PPP4R2: variants seen among roughly 807,000 people sequenced by gnomAD.
The protein encoded by PPP4R2 is protein phosphatase 4 regulatory subunit 2, also known as serine/threonine-protein phosphatase 4 regulatory subunit 2.
In PPP4R2, 13 loss-of-function variants were observed where a neutral mutation model predicts 47.2. The observed-to-expected ratio is 0.28, with a 90% CI of 0.18 to 0.44. The LOEUF is 0.44. Ranked by LOEUF, PPP4R2 falls within the 20% of genes least tolerant of loss-of-function variation. The pLI is 1.00. For synonymous variants in PPP4R2, 151 were observed against 163.3 expected (o/e 0.92, Z 0.57); for missense variants, 421 against 491.2 (o/e 0.86, Z 1.35).
chr3:73,029,936 C>T (rs150590072), intron 2 of PPP4R2, among the ~76,000 whole-genome samples: 143 of 152,190 alleles, frequency 9.4e-4, no homozygotes, highest in Non-Finnish European at 1.6e-3. Flanking sequence ...AATTGGAGTT[C>T]GTTGGTGATC....
chr3:73,043,939 C>G (rs141175375), intron 2 of PPP4R2, among the ~76,000 whole-genome samples: 7 of 152,314 alleles, frequency 4.6e-5, no homozygotes, highest in Non-Finnish European at 7.3e-5. Context: ...CAGTTCCAGA[C>G]GACTCTAAAT....
chr3:73,001,435 G>A (rs1701454497), intron 2 of PPP4R2, among the ~76,000 whole-genome samples: 1 of 151,030 alleles, frequency 6.6e-6, no homozygotes, highest in Admixed American at 6.6e-5. Flanking sequence ...GTGGTGGCAT[G>A]CGCCTGTAGT....
chr3:73,063,829 T>G lies in PPP4R2; in HGVS notation c.494+82T>G, dbSNP rs536038021. On this transcript the variant is annotated intron_variant, in intron 6 of 8. Coordinates refer to ENST00000356692, the MANE Select transcript of PPP4R2 (RefSeq NM_174907.4). ...CAGGCTTAGTGTACTTTTTAAAAAT[T>G]GGGCATTTTATGGACACCATAGGAT... is the stretch of plus-strand genomic sequence containing the variant. 8.4e-6 allele frequency: 10 copies of G among 1,187,586 alleles called. No individual in the cohort carries two copies. The African/African-American group carries it at 1.2e-4, about 15-fold the overall frequency. The allele number at this position is 1,187,586 out of a possible 1,614,324, so 73.6% of individuals were successfully genotyped here.
intron 2 of PPP4R2, among the ~76,000 whole-genome samples, chr3:73,046,595 T>C (rs1304058226): frequency 6.6e-6 from 1 of 152,168 alleles, no homozygotes; most frequent in Non-Finnish European, 1.5e-5. Flanking sequence ...TTATGTATTT[T>C]TATTGTGCAA....
At chr3:73,019,422 G>A (rs1202715969) in intron 2 of PPP4R2, among the ~76,000 whole-genome samples, 1 of 152,138 alleles carries the variant, frequency 6.6e-6, no homozygotes, top group East Asian at 1.9e-4. Context: ...TGCCCAGGCT[G>A]GAGTGCAGTG....
At chr3:73,050,447 TGTTTTTTATATATATATA>T (rs966723602) in intron 3 of PPP4R2, among the ~76,000 whole-genome samples, 1 of 152,108 alleles carries the variant, frequency 6.6e-6, no homozygotes, top group African/African-American at 2.4e-5. Flanking sequence ...TCAATTTTTG[TGTTTTTTATATATATATA>T]GTTTTTTAAA....
At chr3:73,057,260 A>G (rs550905246) in intron 3 of PPP4R2, among the ~76,000 whole-genome samples, 2 of 152,268 alleles carry the variant, frequency 1.3e-5, no homozygotes, top group Admixed American at 6.5e-5. Flanking sequence ...TGTATTAGCT[A>G]TAGATTTCTA....
intron 2 of PPP4R2, among the ~76,000 whole-genome samples, chr3:73,003,925 C>G (rs902435234): frequency 3.9e-5 from 6 of 152,304 alleles, no homozygotes; most frequent in African/African-American, 1.4e-4. Flanking sequence ...GTCTCGAACT[C>G]CTGACCTCAG....
chr3:73,041,792 C>G (rs1200879741), intron 2 of PPP4R2, among the ~76,000 whole-genome samples: 1 of 152,202 alleles, frequency 6.6e-6, no homozygotes. Flanking sequence ...CCGCTGGCCA[C>G]TAAATTGTTG....
In PPP4R2 at chr3:72,998,154, A is replaced by G; in HGVS notation, c.112A>G (p.Thr38Ala). 6.3e-7 allele frequency: 1 copy of G among 1,599,280 alleles called. No homozygotes were observed. The change falls in exon 2 of 9, where the codon ACA becomes GCA. Residue 38 changes from threonine (T) to alanine (A), a missense_variant. Transcript: ENST00000356692. ...TTGTCATGTAGCCAAGACTGGAGAA[A>G]CAATGTGAGTTGAAAACATGCATTT... ...FLCHVAKTGE[T>A]MIQWSQFKGY... is the part of the protein sequence containing the mutation.
chr3:73,065,512 A>C lies in PPP4R2; in HGVS notation c.1044A>C (p.Glu348Asp), dbSNP rs375514870. 1 of 1,611,784 alleles carries C rather than the reference A, an allele frequency of 6.2e-7. No homozygotes were observed. The highest frequency in any genetic ancestry group is 8.5e-7 in the Non-Finnish European group (1 of 1,179,688). The change falls in exon 9 of 9, where the codon GAA (glutamate) becomes GAC (aspartate). Residue 348 changes from glutamate (E) to aspartate (D), a missense_variant. Around this residue, in one of 2 missense-constraint regions of PPP4R2, gnomAD observed 317 missense variants for 287.5 expected, o/e 1.10. Transcript: ENST00000356692. ...CTGAGGAAAATAATCAAATGGAGGA[A>C]TCTGATGTGTCTCAAGCTGAGAAAG... Reference protein sequence around the residue: ...ETSEENNQMEESDVSQAEKDL... With the variant: ...ETSEENNQMEDSDVSQAEKDL...
At chr3:73,004,897 TTTGAGTCGGAGTCATGTGTGTG>T (rs1701566584) in intron 2 of PPP4R2, among the ~76,000 whole-genome samples, 1 of 144,282 alleles carries the variant, frequency 6.9e-6, no homozygotes, top group Admixed American at 6.9e-5. Context: ...GTGTGTGTGT[TTTGAGTCGGAGTCATGTGTGTG>T]TGTTTGTGTG....
chr3:73,018,628 CCTTTCCAGTCTTCT>C (rs1324852986), intron 2 of PPP4R2, among the ~76,000 whole-genome samples: 2 of 151,908 alleles, frequency 1.3e-5, no homozygotes, highest in African/African-American at 4.8e-5. Context: ...GTTCTTCTTA[CCTTTCCAGTCTTCT>C]CTTTCCACCA....
chr3:73,053,607 A>G (rs1296736061), intron 3 of PPP4R2, among the ~76,000 whole-genome samples: 1 of 152,066 alleles, frequency 6.6e-6, no homozygotes, highest in African/African-American at 2.4e-5. Context: ...GTTCCTTATC[A>G]TTATTAAAAG....
At chr3:73,024,679 T>TTTCCC (rs1373386456) in intron 2 of PPP4R2, among the ~76,000 whole-genome samples, 1 of 152,156 alleles carries the variant, frequency 6.6e-6, no homozygotes, top group East Asian at 1.9e-4. Context: ...TTTCCTTTCC[T>TTTCCC]TTCCCTTTGT....
intron 3 of PPP4R2, among the ~76,000 whole-genome samples, chr3:73,048,557 A>G (rs1272514310): frequency 6.6e-6 from 1 of 152,160 alleles, no homozygotes; most frequent in East Asian, 1.9e-4. Flanking sequence ...CCCAGCCAGG[A>G]CTTTGTATTT....
chr3:73,018,440 T>TATGTG (rs1701888693), intron 2 of PPP4R2, among the ~76,000 whole-genome samples: 1 of 103,638 alleles, frequency 9.6e-6, no homozygotes, highest in Admixed American at 8.8e-5. Context: ...TATGTTATGT[T>TATGTG]ATGTTATGTT....
intron 2 of PPP4R2, 136 bp downstream of exon 2, chr3:72,998,294 T>A: frequency 1.8e-6 from 1 of 570,350 alleles, no homozygotes; most frequent in Non-Finnish European, 3.0e-6. Flanking sequence ...TTAAATAATT[T>A]ATATATTTAC....
intron 2 of PPP4R2, among the ~76,000 whole-genome samples, chr3:73,032,549 A>T (rs1002850610): frequency 6.6e-6 from 1 of 152,172 alleles, no homozygotes; most frequent in African/African-American, 2.4e-5. Flanking sequence ...GGCCTCCCAA[A>T]GTGCTGGGAT....
Sources: allele counts gnomAD v4.1 joint callset (sites outside exome capture counted in the v4.1 genomes callset), GRCh38; gene constraint gnomAD v4.1.1; regional missense constraint gnomAD v4.1.1; transcripts MANE v1.5; gene names NCBI Gene and HGNC (gene_info 2026-07-23, HGNC 2026-07-21).